GTF2F2: variants seen among roughly 807,000 people sequenced by gnomAD.
GTF2F2 encodes the protein ATP-dependent helicase GTF2F2.
Under a neutral mutation model 42.2 loss-of-function variants are expected in GTF2F2, and 23 were observed. The ratio of observed to expected loss-of-function variants is 0.55; its 90% CI spans 0.39 to 0.77. The LOEUF (loss-of-function observed/expected upper bound fraction) is 0.77, where lower values mean the gene tolerates loss of function less well. Among genes scored for constraint, GTF2F2 ranks in the 30% least tolerant of loss-of-function variants. The pLI is 0.00. For missense variants in GTF2F2, 261 were observed against 287.2 expected (o/e 0.91, Z 0.66); for synonymous variants, 105 against 100.8 (o/e 1.04, Z -0.25).
At chr13:45,191,525 G>C (rs1305877268) in intron 4 of GTF2F2, among the ~76,000 whole-genome samples, 1 of 151,614 alleles carries the variant, frequency 6.6e-6, no homozygotes, top group Non-Finnish European at 1.5e-5. Flanking sequence ...GTGATTTCTT[G>C]AGTTTCTTGA....
At chr13:45,256,293 A>G (rs562166873) in intron 6 of GTF2F2, among the ~76,000 whole-genome samples, 1 of 152,290 alleles carries the variant, frequency 6.6e-6, no homozygotes, top group African/African-American at 2.4e-5. Context: ...CTGATTGTCT[A>G]AGATTTACCT....
chr13:45,122,280 ATGTT>A (rs1434864046), intron 1 of GTF2F2, among the ~76,000 whole-genome samples: 3 of 152,050 alleles, frequency 2.0e-5, no homozygotes, highest in Non-Finnish European at 4.4e-5. Flanking sequence ...AAAAAAAAAA[ATGTT>A]TGGCAGTGTG....
intron 4 of GTF2F2, among the ~76,000 whole-genome samples, chr13:45,154,161 G>A (rs530205354): frequency 1.5e-3 from 230 of 152,060 alleles, no homozygotes; most frequent in South Asian, 7.1e-3. Flanking sequence ...CTTGATAAAC[G>A]TTTGAGGTAG....
At chr13:45,217,426 T>G (rs1873941891) in intron 5 of GTF2F2, among the ~76,000 whole-genome samples, 1 of 152,198 alleles carries the variant, frequency 6.6e-6, no homozygotes, top group South Asian at 2.1e-4. Context: ...ACTCACATTT[T>G]GCTTTTTATT....
intron 4 of GTF2F2, chr13:45,206,857 A>T (rs1873433879): frequency 1.3e-5 from 2 of 152,238 alleles, no homozygotes; most frequent in South Asian, 4.1e-4. Context: ...CCAGATTTAG[A>T]ATTCTGCAGG....
rs558861251 is a variant in GTF2F2 at position 45,182,348 on chromosome 13, C to T, written c.305-25076C>T. Among the ~76,000 whole-genome samples the T allele has an allele frequency of 9.4e-4, 143 of 152,180 alleles. 2 individuals carry two copies. The highest frequency in any genetic ancestry group is 3.3e-3 in the African/African-American group (137 of 41,452). ...GTTACCTCAGGTGATCCACCTGCCT[C>T]GGCCTCCCAAAGTGCTGGGATTACA... On this transcript the variant is annotated intron_variant, in intron 4 of 7. Transcript: ENST00000340473.
Position 45,193,622 on chromosome 13 carries a change from A to G in GTF2F2, c.305-13802A>G, listed in dbSNP as rs540154257. 7.2e-4 allele frequency: 443 copies of G among 611,992 alleles called. 1 individual carries two copies. The African/African-American group carries it at 7.7e-3, about 11-fold the overall frequency. 37.9% of individuals were successfully genotyped at this position (611,992 alleles called of 1,614,324 possible). Reference sequence around the variant, plus strand: ...AGTAGGAACACCCCAGAGGAAGGACATCTTTAGCGATAGAATTTACATACC... The same window carrying G: ...AGTAGGAACACCCCAGAGGAAGGACGTCTTTAGCGATAGAATTTACATACC... On this transcript the variant is annotated intron_variant, in intron 4 of 7. Coordinates refer to ENST00000340473, the MANE Select transcript of GTF2F2 (RefSeq NM_004128.3).
At chr13:45,211,587 T>A (rs2025422) in intron 5 of GTF2F2, among the ~76,000 whole-genome samples, 60 of 81,172 alleles carry the variant, frequency 7.4e-4, no homozygotes, top group Admixed American at 5.3e-3. Flanking sequence ...AAAAAAAAAA[T>A]TTTTTTTTTT....
At chr13:45,217,741 A>C (rs1356588848) in intron 5 of GTF2F2, among the ~76,000 whole-genome samples, 2 of 152,244 alleles carry the variant, frequency 1.3e-5, no homozygotes, top group African/African-American at 4.8e-5. Context: ...ACCTCAGCAC[A>C]CAGTTTCTCT....
intron 4 of GTF2F2, among the ~76,000 whole-genome samples, chr13:45,199,394 C>G (rs1476346661): frequency 6.6e-6 from 1 of 152,200 alleles, no homozygotes; most frequent in African/African-American, 2.4e-5. Flanking sequence ...CAGAGGCAAT[C>G]TTGACAATTT....
At chr13:45,123,062 A>C (rs1306252193) in intron 1 of GTF2F2, 1 of 152,118 alleles carries the variant, frequency 6.6e-6, no homozygotes, top group Non-Finnish European at 1.5e-5. Context: ...CCTGGGCGAC[A>C]GAGTGACATC....
At chr13:45,125,503 A>T (rs1274095197) in intron 1 of GTF2F2, among the ~76,000 whole-genome samples, 1 of 152,182 alleles carries the variant, frequency 6.6e-6, no homozygotes, top group East Asian at 1.9e-4. Flanking sequence ...TATTTTTAGT[A>T]GAGACGGGGT....
chr13:45,202,663 G>A (rs1002503118), intron 4 of GTF2F2, among the ~76,000 whole-genome samples: 2 of 151,888 alleles, frequency 1.3e-5, no homozygotes, highest in African/African-American at 4.8e-5. Context: ...ATAAATGTAC[G>A]TTTAGTTGGC....
chr13:45,215,019 G>A lies in GTF2F2; in HGVS notation c.386+7514G>A, dbSNP rs114588984. On this transcript the variant is annotated intron_variant, in intron 5 of 7. Transcript: ENST00000340473. ...AAACCCTTTTCCTATAGAAACACAG[G>A]TTCCCATATGATTATAAAACATTCA... Among the ~76,000 whole-genome samples, 513 of 152,176 alleles carry A rather than the reference G, an allele frequency of 3.4e-3. 5 individuals carry two copies. The highest frequency in any genetic ancestry group is 0.012 in the African/African-American group (499 of 41,514).
chr13:45,255,869 G>A (rs1040898246), intron 6 of GTF2F2, among the ~76,000 whole-genome samples: 2 of 152,132 alleles, frequency 1.3e-5, no homozygotes, highest in African/African-American at 2.4e-5. Flanking sequence ...TTCATAGGCT[G>A]TAAAGAGTTG....
chr13:45,146,006 T>C (rs1870175532), intron 2 of GTF2F2, among the ~76,000 whole-genome samples: 1 of 152,128 alleles, frequency 6.6e-6, no homozygotes, highest in Non-Finnish European at 1.5e-5. Flanking sequence ...GCCACTCCTT[T>C]ATAGCGATGC....
chr13:45,176,934 C>T (rs1012899717), intron 4 of GTF2F2, among the ~76,000 whole-genome samples: 16 of 151,896 alleles, frequency 1.1e-4, no homozygotes, highest in African/African-American at 3.6e-4. Flanking sequence ...TATAGGTGCC[C>T]GCCACCATGC....
intron 5 of GTF2F2, among the ~76,000 whole-genome samples, chr13:45,234,755 A>G (rs1480349979): frequency 1.3e-5 from 2 of 152,156 alleles, no homozygotes; most frequent in African/African-American, 2.4e-5. Flanking sequence ...AGCTTACAAA[A>G]AGATGGTCAT....
intron 1 of GTF2F2, among the ~76,000 whole-genome samples, chr13:45,126,587 A>G (rs928255783): frequency 6.6e-6 from 1 of 152,188 alleles, no homozygotes; most frequent in Non-Finnish European, 1.5e-5. Flanking sequence ...GTTTGAGTGA[A>G]TGGGTGGGCA....
Sources: gnomAD v4.1 joint callset for allele counts (sites outside exome capture counted in the v4.1 genomes callset) on GRCh38, gnomAD v4.1.1 for gene constraint, MANE v1.5 for transcripts, NCBI Gene and HGNC (gene_info 2026-07-23, HGNC 2026-07-21) for gene names.